Variants in SECISBP2L observed in about 807,000 individuals in gnomAD.
The protein encoded by SECISBP2L is selenocysteine insertion sequence-binding protein 2-like.
In SECISBP2L, 43 loss-of-function variants were observed where a neutral mutation model predicts 114.7. That is an observed-to-expected ratio of 0.38 (90% confidence interval 0.29 to 0.48). SECISBP2L has a LOEUF of 0.48. Among genes scored for constraint, SECISBP2L ranks in the 20% least tolerant of loss-of-function variants. The probability of loss-of-function intolerance (pLI) is 0.98; values close to 1 mark genes in which losing one functional copy is unlikely to be tolerated. For synonymous variants in SECISBP2L, 451 were observed against 439.7 expected (o/e 1.03, Z -0.32); for missense variants, 1,136 against 1,301.1 (o/e 0.87, Z 1.95).
chr15:49,032,848 G>A (rs1021264527), intron 4 of SECISBP2L, 117 bp downstream of exon 4: 6 of 1,299,742 alleles, frequency 4.6e-6, no homozygotes, highest in East Asian at 2.3e-5. Flanking sequence ...AAAGTGGCAG[G>A]ACAAATGAAA....
intron 13 of SECISBP2L, among the ~76,000 whole-genome samples, chr15:49,010,091 T>C (rs1453714969): frequency 7.4e-6 from 1 of 135,474 alleles, no homozygotes; most frequent in Non-Finnish European, 1.6e-5. Flanking sequence ...AAGATGGCAC[T>C]ACTGCACTCC....
chr15:49,046,281 C>A lies in SECISBP2L; in HGVS notation c.19G>T (p.Glu7Ter). The change falls in exon 1 of 18, where the codon GAG (glutamate) becomes TAG (stop). Residue 7 changes from glutamate to a stop codon, truncating the protein, a stop_gained. Coordinates refer to ENST00000559471, the MANE Select transcript of SECISBP2L (RefSeq NM_001193489.2). LOFTEE classifies it high-confidence loss of function. MDRAPT[E>*]QNVKLSAEVE... Reference sequence around the variant, plus strand: ...CCCAGCCCAAACCCGCGTACCTGCTCCGTGGGGGCTCGGTCCATGGTGCCT... The same window carrying A: ...CCCAGCCCAAACCCGCGTACCTGCTACGTGGGGGCTCGGTCCATGGTGCCT... 6.4e-7 allele frequency: 1 copy of A among 1,561,520 alleles called. No individual in the cohort carries two copies. The highest frequency in any genetic ancestry group is 2.4e-5 in the East Asian group (1 of 41,020).
intron 1 of SECISBP2L, among the ~76,000 whole-genome samples, chr15:49,044,801 C>A (rs1306071674): frequency 6.6e-6 from 1 of 152,146 alleles, no homozygotes; most frequent in Non-Finnish European, 1.5e-5. Context: ...AAATTACCAT[C>A]TAAATAGTTA....
At chr15:49,032,057 C>G (rs553574561) in intron 4 of SECISBP2L, among the ~76,000 whole-genome samples, 1 of 152,308 alleles carries the variant, frequency 6.6e-6, no homozygotes, top group South Asian at 2.1e-4. Context: ...TTTTCAGATC[C>G]TTTCTCTGCT....
At position 49,028,533 on chromosome 15, in the gene SECISBP2L, T is replaced by G; in HGVS notation, c.814A>C (p.Ser272Arg). The change falls in exon 5 of 18, where the codon AGT becomes CGT. Residue 272 changes from serine to arginine, a missense_variant. Physicochemically the swap from Ser to Arg is moderately radical, Grantham distance 110. Coordinates refer to ENST00000559471, the MANE Select transcript of SECISBP2L (RefSeq NM_001193489.2). ...GASEADIDSD[S>R]GYCSPKHSNN... The stretch of plus-strand genomic sequence containing the variant: ...CTGTGTTTGGGACTGCAGTAACCAC[T>G]ATCACTGTCAATGTCGGCTTCACTA... 1 of 1,614,172 alleles carries G rather than the reference T, an allele frequency of 6.2e-7. No individual in the cohort carries two copies. The highest frequency in any genetic ancestry group is 8.5e-7 in the Non-Finnish European group (1 of 1,180,026).
chr15:49,012,325 A>G (rs923554072), intron 12 of SECISBP2L, among the ~76,000 whole-genome samples: 6 of 152,218 alleles, frequency 3.9e-5, no homozygotes, highest in Admixed American at 6.5e-5. Context: ...GCCTAAAATG[A>G]TATGTGTAGC....
intron 8 of SECISBP2L, among the ~76,000 whole-genome samples, chr15:49,018,567 C>A (rs1480832212): frequency 6.6e-6 from 1 of 152,146 alleles, no homozygotes; most frequent in Non-Finnish European, 1.5e-5. Flanking sequence ...CCACGCCCAG[C>A]ATATTATTGA....
At chr15:48,994,910 T>A (rs955996168) in intron 17 of SECISBP2L, among the ~76,000 whole-genome samples, 7 of 150,552 alleles carry the variant, frequency 4.6e-5, no homozygotes, top group Non-Finnish European at 8.9e-5. Flanking sequence ...TGAAAAAAAA[T>A]TTTAAAGGCA....
At chr15:48,996,890 CAG>C (rs1902103468) in intron 16 of SECISBP2L, among the ~76,000 whole-genome samples, 1 of 152,202 alleles carries the variant, frequency 6.6e-6, no homozygotes, top group Non-Finnish European at 1.5e-5. Context: ...TCTGCCACTA[CAG>C]AGGGTACAAA....
At chr15:49,017,057 A>G (rs774198419) in intron 9 of SECISBP2L, 42 bp from the exon 10 acceptor site, 9 of 1,589,540 alleles carry the variant, frequency 5.7e-6, no homozygotes, top group Non-Finnish European at 7.7e-6. Context: ...TGATCCCATA[A>G]AAGTCAATCA....
At position 48,992,112 on chromosome 15, in the gene SECISBP2L, G is replaced by T; in HGVS notation, c.*132C>A. ...AAGCTACAGATCATAACAAGTAAAAGCTACAAAAATATTTGTTGGGAATTA... is the reference window on the plus strand; with the variant it reads ...AAGCTACAGATCATAACAAGTAAAATCTACAAAAATATTTGTTGGGAATTA... On this transcript the variant is annotated 3_prime_UTR_variant, in exon 18 of 18. Transcript: ENST00000559471. 1.2e-6 allele frequency: 1 copy of T among 823,068 alleles called. No homozygotes were observed. The highest frequency in any genetic ancestry group is 1.8e-6 in the Non-Finnish European group (1 of 542,168). 51.0% of individuals were successfully genotyped at this position (823,068 alleles called of 1,614,324 possible).
At position 49,027,358 on chromosome 15, in the gene SECISBP2L, G is replaced by A. The variant is rs776441035; in HGVS notation, c.1035+7C>T. 15 of 1,592,796 alleles carry A rather than the reference G, an allele frequency of 9.4e-6. No individual in the cohort carries two copies. In the Admixed American group the frequency reaches 1.5e-4, roughly 16 times the overall value. On this transcript the variant is annotated splice_region_variant and intron_variant, in intron 7 of 17. Coordinates refer to ENST00000559471, the MANE Select transcript of SECISBP2L (RefSeq NM_001193489.2). ...TAATCAATTTTCTCCAACCTAATTCGAATTACCTGTGAATTATTTCTTTGT... is the reference window on the plus strand; with the variant it reads ...TAATCAATTTTCTCCAACCTAATTCAAATTACCTGTGAATTATTTCTTTGT...
At position 49,019,835 on chromosome 15, in the gene SECISBP2L, T is replaced by C. The variant is rs140451087; in HGVS notation, c.1036-283A>G. On this transcript the variant is annotated intron_variant, in intron 7 of 17. Coordinates refer to ENST00000559471, the MANE Select transcript of SECISBP2L (RefSeq NM_001193489.2). Reference sequence around the variant, plus strand: ...AAAACAGGAAACAAACCAGATGTTCTACAGTGGGTGAACAGTTAAACTAAC... The same window carrying C: ...AAAACAGGAAACAAACCAGATGTTCCACAGTGGGTGAACAGTTAAACTAAC... Among the ~76,000 whole-genome samples, 56 of 152,356 alleles carry C rather than the reference T, an allele frequency of 3.7e-4. No individual in the cohort carries two copies. In the East Asian group the frequency reaches 9.8e-3, roughly 27 times the overall value.
intron 13 of SECISBP2L, 196 bp downstream of exon 13, chr15:49,011,535 A>G (rs551752252): frequency 5.1e-6 from 3 of 588,420 alleles, no homozygotes; most frequent in African/African-American, 3.7e-5. Context: ...GGCCTACTAT[A>G]TAATACCTGT....
intron 14 of SECISBP2L, among the ~76,000 whole-genome samples, chr15:49,003,337 G>A (rs879623922): frequency 2.0e-5 from 3 of 152,140 alleles, no homozygotes; most frequent in African/African-American, 7.2e-5. Flanking sequence ...GGAGATTTGG[G>A]GATGAGACAA....
At chr15:49,008,881 A>G (rs2141067256) in intron 14 of SECISBP2L, among the ~76,000 whole-genome samples, 1 of 152,318 alleles carries the variant, frequency 6.6e-6, no homozygotes, top group Non-Finnish European at 1.5e-5. Context: ...AAGGGCCAAT[A>G]ATATAAACAA....
intron 1 of SECISBP2L, among the ~76,000 whole-genome samples, chr15:49,039,319 G>A (rs1487956213): frequency 6.6e-6 from 1 of 151,898 alleles, no homozygotes; most frequent in African/African-American, 2.4e-5. Flanking sequence ...ATATTCATTA[G>A]AACCCAAACT....
chr15:48,997,192 T>C (rs1022653972), intron 16 of SECISBP2L, among the ~76,000 whole-genome samples: 1 of 152,078 alleles, frequency 6.6e-6, no homozygotes, highest in Non-Finnish European at 1.5e-5. Flanking sequence ...ATAAGAAAAG[T>C]ATAAGGCTTG....
In SECISBP2L at chr15:49,028,568, T is replaced by G; in HGVS notation, c.779A>C (p.Glu260Ala). 6.2e-7 allele frequency: 1 copy of G among 1,614,132 alleles called. No homozygotes were observed. Among genetic ancestry groups the G allele is most frequent in the Non-Finnish European group, 8.5e-7 (1 of 1,179,996 alleles). Residue 260 changes from glutamate to alanine, a missense_variant, in exon 5 of 18, where the codon GAG becomes GCG. Around this residue, in one of 2 missense-constraint regions of SECISBP2L, gnomAD observed 452 missense variants for 452.3 expected, o/e 1.00. Transcript: ENST00000559471. ...ASHPTAESSS[E>A]QGASEADIDS... Reference sequence around the variant, plus strand: ...AATGTCGGCTTCACTAGCCCCCTGCTCACTAGAAGATTCAGCAGTAGGGTG... The same window carrying G: ...AATGTCGGCTTCACTAGCCCCCTGCGCACTAGAAGATTCAGCAGTAGGGTG...
Sources: gnomAD v4.1 joint callset for allele counts (sites outside exome capture counted in the v4.1 genomes callset) on GRCh38, gnomAD v4.1.1 for gene constraint, gnomAD v4.1.1 regional missense constraint, MANE v1.5 for transcripts, NCBI Gene and HGNC (gene_info 2026-07-23, HGNC 2026-07-21) for gene names.